Variants in LSAMP observed in about 807,000 individuals in gnomAD.
LSAMP encodes the protein limbic system associated membrane protein.
LSAMP carries 7 observed loss-of-function variants against 38.6 expected under a neutral mutation model. That is an observed-to-expected ratio of 0.18 (90% confidence interval 0.10 to 0.34). The LOEUF (loss-of-function observed/expected upper bound fraction) is 0.34. Ranked by LOEUF, LSAMP falls within the 10% of genes least tolerant of loss-of-function variation. The pLI is 1.00. For missense variants in LSAMP, 313 were observed against 420.0 expected (o/e 0.75, Z 2.23); for synonymous variants, 154 against 166.8 (o/e 0.92, Z 0.59).
rs1340851667 is a variant in LSAMP at position 115,802,484 on chromosome 3, T to C, written c.*7833A>G. The C allele has an allele frequency of 6.6e-6, 1 of 151,702 alleles. No homozygotes were observed. 9.4% of individuals were successfully genotyped at this position (151,702 alleles called of 1,614,324 possible). ...AGAGAGAAACAGAATTTAAATACATTTAAAAAGAAAAGAAAAAAAGCTTTT... is the reference window on the plus strand; with the variant it reads ...AGAGAGAAACAGAATTTAAATACATCTAAAAAGAAAAGAAAAAAAGCTTTT... On this transcript the variant is annotated 3_prime_UTR_variant, in exon 7 of 7. Transcript: ENST00000490035.
At chr3:116,047,999 A>G (rs75602827) in intron 2 of LSAMP, among the ~76,000 whole-genome samples, 3,398 of 152,280 alleles carry the variant, frequency 0.022, 111 homozygotes, top group African/African-American at 0.074. Context: ...CTTGGCATCC[A>G]TGCACCTTTA....
In LSAMP at chr3:116,145,913, TGTTA is replaced by T. The variant is rs201002119; in HGVS notation, c.156-59361_156-59358del. On this transcript the variant is annotated intron_variant, in intron 1 of 6. Coordinates refer to ENST00000490035, the MANE Select transcript of LSAMP (RefSeq NM_002338.5). ...AGTTTTTATTTCAAGAAATTTTATT[TGTTA>T]GTTTTAAAAATAAACTTCTTTTATA... is the stretch of plus-strand genomic sequence containing the variant. 6.3e-3 allele frequency among the ~76,000 whole-genome samples: 964 copies of T among 152,080 alleles called. 10 individuals carry two copies. Among genetic ancestry groups the T allele is most frequent in the African/African-American group, 0.022 (914 of 41,536 alleles).
intron 1 of LSAMP, among the ~76,000 whole-genome samples, chr3:116,426,674 G>A (rs1002268364): frequency 6.6e-6 from 1 of 152,026 alleles, no homozygotes; most frequent in Admixed American, 6.5e-5. Context: ...GCACAATAGG[G>A]AAACCAAATC....
intron 3 of LSAMP, among the ~76,000 whole-genome samples, chr3:115,999,208 A>T (rs901086141): frequency 6.6e-6 from 1 of 152,142 alleles, no homozygotes; most frequent in Non-Finnish European, 1.5e-5. Flanking sequence ...CAGTGACAGG[A>T]ATCTTCCGAA....
At chr3:116,283,287 T>C (rs1230169402) in intron 1 of LSAMP, among the ~76,000 whole-genome samples, 5 of 152,200 alleles carry the variant, frequency 3.3e-5, no homozygotes, top group Non-Finnish European at 7.3e-5. Context: ...TACGTGTTCA[T>C]CGGTGCTATT....
intron 1 of LSAMP, among the ~76,000 whole-genome samples, chr3:116,265,458 T>C (rs993204806): frequency 6.6e-6 from 1 of 152,204 alleles, no homozygotes; most frequent in Admixed American, 6.5e-5. Context: ...TAGCCTGCCA[T>C]CTGCTCTCGT....
intron 1 of LSAMP, among the ~76,000 whole-genome samples, chr3:116,247,864 G>C (rs2046623948): frequency 6.6e-6 from 1 of 152,198 alleles, no homozygotes; most frequent in African/African-American, 2.4e-5. Flanking sequence ...ATCTGAGACA[G>C]TTTAACATCA....
chr3:116,261,415 T>C (rs944918379), intron 1 of LSAMP, among the ~76,000 whole-genome samples: 2 of 152,214 alleles, frequency 1.3e-5, no homozygotes, highest in African/African-American at 4.8e-5. Flanking sequence ...AGTGCTCTTA[T>C]GCATTTTTAT....
chr3:116,009,822 G>A (rs551509524), intron 3 of LSAMP, among the ~76,000 whole-genome samples: 15 of 152,114 alleles, frequency 9.9e-5, no homozygotes, highest in South Asian at 4.2e-4. Flanking sequence ...GTTTATTGGC[G>A]TGATAGTGTT....
At chr3:116,259,470 A>G (rs889140056) in intron 1 of LSAMP, among the ~76,000 whole-genome samples, 3 of 152,134 alleles carry the variant, frequency 2.0e-5, no homozygotes, top group African/African-American at 7.2e-5. Context: ...AAAATTGGAA[A>G]ATTTCACCAA....
At chr3:116,245,536 C>T (rs1415716242) in intron 1 of LSAMP, among the ~76,000 whole-genome samples, 1 of 152,140 alleles carries the variant, frequency 6.6e-6, no homozygotes, top group Non-Finnish European at 1.5e-5. Context: ...TTTTCATCTA[C>T]ATCCTATATG....
intron 1 of LSAMP, among the ~76,000 whole-genome samples, chr3:116,395,271 C>T (rs1329856808): frequency 2.0e-5 from 3 of 152,108 alleles, no homozygotes; most frequent in Non-Finnish European, 4.4e-5. Flanking sequence ...CACATTAGAT[C>T]GGAAATGGCA....
At chr3:115,869,503 T>C in intron 3 of LSAMP, among the ~76,000 whole-genome samples, 1 of 152,148 alleles carries the variant, frequency 6.6e-6, no homozygotes, top group East Asian at 1.9e-4. Context: ...AAGATGCCAC[T>C]ATCTGGGAAA....
rs143902701 is a variant in LSAMP at position 116,012,598 on chromosome 3, G to A, written c.514+6917C>T. Among the ~76,000 whole-genome samples the A allele has an allele frequency of 3.4e-3, 523 of 152,204 alleles. 3 individuals are homozygous for A. Among genetic ancestry groups the A allele is most frequent in the African/African-American group, 0.012 (499 of 41,534 alleles). On this transcript the variant is annotated intron_variant, in intron 3 of 6. Coordinates refer to ENST00000490035, the MANE Select transcript of LSAMP (RefSeq NM_002338.5). ...GCCTTTTAAAAAATAGACCTTAAGC[G>A]GGTACATTGGGGTGAAATGTAATAT...
chr3:115,991,613 A>G (rs1939670227), intron 3 of LSAMP, among the ~76,000 whole-genome samples: 2 of 152,224 alleles, frequency 1.3e-5, no homozygotes, highest in South Asian at 4.1e-4. Context: ...TTACATAGTC[A>G]TAGTAATCGA....
chr3:115,826,633 G>A (rs1266925335), intron 6 of LSAMP, among the ~76,000 whole-genome samples: 1 of 152,096 alleles, frequency 6.6e-6, no homozygotes, highest in Non-Finnish European at 1.5e-5. Context: ...CCCAAAACCC[G>A]GCTCAGAGCA....
chr3:116,226,192 C>T (rs539422886), intron 1 of LSAMP, among the ~76,000 whole-genome samples: 137 of 152,318 alleles, frequency 9.0e-4, no homozygotes, highest in Non-Finnish European at 1.1e-3. Flanking sequence ...ACCCTCAAAA[C>T]ACCTCTTCTC....
At chr3:116,358,881 C>G (rs142138674) in intron 1 of LSAMP, among the ~76,000 whole-genome samples, 1,586 of 152,254 alleles carry the variant, frequency 0.01, 32 homozygotes, top group African/African-American at 0.037. Context: ...TATTCTCCAT[C>G]AAAAAGTGTT....
intron 3 of LSAMP, among the ~76,000 whole-genome samples, chr3:115,962,244 C>G (rs184575714): frequency 1.2e-3 from 176 of 152,334 alleles, no homozygotes; most frequent in Middle Eastern, 6.8e-3. Flanking sequence ...CTGGCTGTCA[C>G]TGACCACCAT....
Sources: allele counts gnomAD v4.1 joint callset (sites outside exome capture counted in the v4.1 genomes callset), GRCh38; gene constraint gnomAD v4.1.1; transcripts MANE v1.5; gene names NCBI Gene and HGNC (gene_info 2026-07-23, HGNC 2026-07-21).